Variants in ERCC1 observed in about 807,000 individuals in gnomAD.
The protein encoded by ERCC1 is ERCC excision repair 1, endonuclease non-catalytic subunit, also known as DNA excision repair protein ERCC-1.
In ERCC1, 36 loss-of-function variants were observed where a neutral mutation model predicts 37.6. The ratio of observed to expected loss-of-function variants is 0.96; its 90% CI spans 0.73 to 1.26. The LOEUF is 1.26. Among genes scored for constraint, ERCC1 ranks in the 50% most tolerant of loss-of-function variants. ERCC1 has a pLI of 0.00. For synonymous variants in ERCC1, 156 were observed against 162.1 expected (o/e 0.96, Z 0.28); for missense variants, 349 against 376.5 (o/e 0.93, Z 0.60).
chr19:45,435,709 T>C (rs1305833415), intron 1 of ERCC1, among the ~76,000 whole-genome samples: 1 of 152,168 alleles, frequency 6.6e-6, no homozygotes, highest in Non-Finnish European at 1.5e-5. Context: ...CCTCCTGCCT[T>C]GGACTCCCAA....
intron 7 of ERCC1, 109 bp downstream of exon 7, chr19:45,414,752 A>G (rs1443320769): frequency 2.5e-6 from 2 of 800,704 alleles, no homozygotes; most frequent in African/African-American, 3.4e-5. Context: ...GGGCCAGGAA[A>G]GACGAGGCCC....
In ERCC1 at chr19:45,421,280, C is replaced by T. The variant is rs753911504; in HGVS notation, c.219G>A (p.Gly73=). 3 of 1,614,190 alleles carry T rather than the reference C, an allele frequency of 1.9e-6. No individual in the cohort carries two copies. Among genetic ancestry groups the T allele is most frequent in the South Asian group, 1.1e-5 (1 of 91,080 alleles). Residue 73 remains glycine, a synonymous_variant, in exon 3 of 10, where the codon GGG becomes GGA. Transcript: ENST00000300853. ...YAISQPLEGA[G]ATCPTGSEPL... is the part of the protein sequence containing the mutation. ...GCTCTGACCCTGTGGGGCACGTGGC[C>T]CCAGCCCCTTCCAGAGGCTGTGAGA...
In ERCC1 at chr19:45,421,159, TCTCCGTCTCC is replaced by T; in HGVS notation, c.321+9_321+18del. Reference sequence around the variant, plus strand: ...CCACTGAAAACCTCAAGGCCTCACTTCTCCGTCTCCCTCCTCACCTGCCGAGGGCTCACAA... The same window carrying T: ...CCACTGAAAACCTCAAGGCCTCACTTCTCCTCACCTGCCGAGGGCTCACAA... On this transcript the variant is annotated intron_variant, in intron 3 of 9. Transcript: ENST00000300853. 1 of 1,611,550 alleles carries T rather than the reference TCTCCGTCTCC, an allele frequency of 6.2e-7. No homozygotes were observed. Among genetic ancestry groups the T allele is most frequent in the South Asian group, 1.1e-5 (1 of 90,996 alleles).
intron 5 of ERCC1, 41 bp downstream of exon 5, chr19:45,419,057 C>T (rs1217914953): frequency 5.7e-6 from 8 of 1,412,118 alleles, no homozygotes; most frequent in Non-Finnish European, 7.8e-6. Flanking sequence ...TGCACAACCT[C>T]AAAGCCCGGT....
chr19:45,419,512 C>A (rs1303431198), intron 4 of ERCC1: 33 of 373,950 alleles, frequency 8.8e-5, no homozygotes, highest in South Asian at 7.7e-4. Context: ...GGCACGGGGA[C>A]ACTGCATGGC....
intron 1 of ERCC1, among the ~76,000 whole-genome samples, chr19:45,440,403 G>A (rs1176844009): frequency 2.0e-5 from 3 of 152,140 alleles, no homozygotes; most frequent in Non-Finnish European, 4.4e-5. Flanking sequence ...GGCAGAGCAG[G>A]GCGAGAGGAT....
Position 45,408,061 on chromosome 19 carries a change from C to CAAAAAAAAAATCAAAAAACCT in ERCC1, c.*1593_*1613dup. 2.8e-6 allele frequency: 4 copies of CAAAAAAAAAATCAAAAAACCT among 1,404,134 alleles called. No homozygotes were observed. Among genetic ancestry groups the CAAAAAAAAAATCAAAAAACCT allele is most frequent in the Non-Finnish European group, 3.8e-6 (4 of 1,056,114 alleles). 87.0% of individuals were successfully genotyped at this position (1,404,134 alleles called of 1,614,324 possible). A position where few individuals can be genotyped will look rare whatever the true frequency, so the allele number is the denominator to read the frequency against. On this transcript the variant is annotated 3_prime_UTR_variant, in exon 10 of 10. Transcript: ENST00000300853. Reference sequence around the variant, plus strand: ...AGAGCAAGACTCTCTCAAAAAAAAACAAAAAAAAAATCAAAAAACCTTCCC... The same window carrying CAAAAAAAAAATCAAAAAACCT: ...AGAGCAAGACTCTCTCAAAAAAAAACAAAAAAAAAATCAAAAAACCTAAAAAAAAAATCAAAAAACCTTCCC...
rs376174953 is a variant in ERCC1 at position 45,414,063 on chromosome 19, G to A, written c.703-29C>T. On this transcript the variant is annotated intron_variant, in intron 7 of 9. Coordinates refer to ENST00000300853, the MANE Select transcript of ERCC1 (RefSeq NM_001983.4). ...GAAAGGGTGGAGGCAGGAGTGTGTC[G>A]GAAGAAGAAAGGCCAGCAAGACTGA... 8.8e-6 allele frequency: 14 copies of A among 1,595,254 alleles called. No individual in the cohort carries two copies. In the East Asian group the frequency reaches 1.3e-4, roughly 15 times the overall value.
rs1251650559 is a variant in ERCC1 at position 45,447,299 on chromosome 19, G to A, written c.-7-23918C>T. Among the ~76,000 whole-genome samples the A allele has an allele frequency of 1.4e-4, 18 of 132,436 alleles. No individual in the cohort carries two copies. The East Asian group carries it at 3.6e-3, about 26-fold the overall frequency. 86.9% of individuals were successfully genotyped at this position (132,436 alleles called of 152,430 possible). A position where few individuals can be genotyped will look rare whatever the true frequency, so the allele number is the denominator to read the frequency against. ...TTTTTTTTTTTTTTTTTTTGAGACA[G>A]AGATTTGCTCTTGTCATCCAGGCTG... is the stretch of plus-strand genomic sequence containing the variant. On this transcript the variant is annotated intron_variant, in intron 1 of 8. Transcript: ENST00000423698.
rs528041949 is a variant in ERCC1, at chr19:45,416,512, C to T, written c.602+309G>A. ...TAAAAATACAAAAAAATTAGCTGGG[C>T]GTGGTGGTGCACACCTGTAATCCCA... On this transcript the variant is annotated intron_variant, in intron 6 of 9. Coordinates refer to ENST00000300853, the MANE Select transcript of ERCC1 (RefSeq NM_001983.4). 571 of 351,234 alleles carry T rather than the reference C, an allele frequency of 1.6e-3. 4 individuals are homozygous for T. Among genetic ancestry groups the T allele is most frequent in the African/African-American group, 0.011 (512 of 47,286 alleles). 21.8% of individuals were successfully genotyped at this position (351,234 alleles called of 1,614,324 possible).
chr19:45,428,178 G>T (rs1223285314), upstream of ERCC1, among the ~76,000 whole-genome samples: 1 of 140,918 alleles, frequency 7.1e-6, no homozygotes. Flanking sequence ...CAACCTCCCG[G>T]GCTCAGATGA....
At chr19:45,417,501 G>C (rs1485915670) in intron 5 of ERCC1, among the ~76,000 whole-genome samples, 1 of 152,180 alleles carries the variant, frequency 6.6e-6, no homozygotes, top group Non-Finnish European at 1.5e-5. Context: ...CATGGGCAAA[G>C]GATGGGAGGG....
intron 3 of ERCC1, 128 bp downstream of exon 3, chr19:45,421,050 A>C: frequency 1.3e-6 from 1 of 795,688 alleles, no homozygotes; most frequent in Admixed American, 2.0e-5. Flanking sequence ...CGAATGAATG[A>C]ATGAATGAAT....
At chr19:45,427,963 G>A (rs1319052), upstream of ERCC1, among the ~76,000 whole-genome samples, 82,245 of 152,020 alleles carry the variant, frequency 0.54, 25,943 homozygotes, top group African/African-American at 0.86. Context: ...ATCGGTTAAC[G>A]TTAGTTAAGA....
chr19:45,428,078 TCTTTC>T (rs1974740958), upstream of ERCC1, among the ~76,000 whole-genome samples: 2 of 138,032 alleles, frequency 1.4e-5, no homozygotes, highest in African/African-American at 6.3e-5. Context: ...TTTCTTTCTT[TCTTTC>T]TTTTTTTTTT....
chr19:45,437,931 G>A (rs907745459), intron 1 of ERCC1, among the ~76,000 whole-genome samples: 5 of 146,652 alleles, frequency 3.4e-5, no homozygotes, highest in Non-Finnish European at 7.4e-5. Context: ...TTTTTGAGAC[G>A]GAGTCTCGCT....
rs768998834 is a variant in ERCC1 at position 45,423,347 on chromosome 19, C to T, written c.28G>A (p.Val10Met). The change falls in exon 2 of 10, where the codon GTG (valine) becomes ATG (methionine). Residue 10 changes from valine to methionine, a missense_variant. Coordinates refer to ENST00000300853, the MANE Select transcript of ERCC1 (RefSeq NM_001983.4). The stretch of plus-strand genomic sequence containing the variant: ...GCTGGCGGCCCTGAGGGCTGGGGCA[C>T]CCCCTCTTTGTCCTTCCCAGGGTCC... MDPGKDKEG[V>M]PQPSGPPARK... 9 of 1,613,506 alleles carry T rather than the reference C, an allele frequency of 5.6e-6. No homozygotes were observed. In the South Asian group the frequency reaches 9.9e-5, roughly 18 times the overall value.
In ERCC1 at chr19:45,409,057, C is replaced by T. The variant is rs62109561; in HGVS notation, c.*618G>A. ...AGCCTCTGGAGTCCCCAGGGGGGAC[C>T]ATGGCGCCTCAACAGCCAGAAGGAG... On this transcript the variant is annotated 3_prime_UTR_variant, in exon 10 of 10. Coordinates refer to ENST00000300853, the MANE Select transcript of ERCC1 (RefSeq NM_001983.4). 2.5e-6 allele frequency: 4 copies of T among 1,613,714 alleles called. No homozygotes were observed. In the Admixed American group the frequency reaches 5.0e-5, roughly 20 times the overall value.
At chr19:45,448,836 G>A (rs1967027321) in intron 1 of ERCC1, among the ~76,000 whole-genome samples, 3 of 151,926 alleles carry the variant, frequency 2.0e-5, no homozygotes, top group Admixed American at 6.6e-5. Context: ...AGACAATACC[G>A]TCTCCTTGGC....
Sources: allele counts gnomAD v4.1 joint callset (sites outside exome capture counted in the v4.1 genomes callset), GRCh38; gene constraint gnomAD v4.1.1; transcripts MANE v1.5; gene names NCBI Gene and HGNC (gene_info 2026-07-23, HGNC 2026-07-21).